The following DOCK9 variants were observed in gnomAD, a reference collection of about 807,000 sequenced individuals.
DOCK9 encodes the protein dedicator of cytokinesis 9, also known as dedicator of cytokinesis protein 9.
DOCK9 carries 89 observed loss-of-function variants against 263.3 expected under a neutral mutation model. That is an observed-to-expected ratio of 0.34 (90% confidence interval 0.28 to 0.40). The LOEUF is 0.40. Among genes scored for constraint, DOCK9 ranks in the 10% least tolerant of loss-of-function variants. The pLI is 1.00. For synonymous variants in DOCK9, 976 were observed against 973.1 expected, an observed-to-expected ratio of 1.00 and a Z score of -0.06; for missense variants, 2,140 against 2,603.4, an observed-to-expected ratio of 0.82 and a Z score of 3.87.
chr13:98,904,575 C>CGAT (rs1185765729), intron 10 of DOCK9, 57 bp downstream of exon 10: 2 of 1,261,888 alleles, frequency 1.6e-6, no homozygotes, highest in Non-Finnish European at 2.2e-6. Flanking sequence ...ATAAGCCCAT[C>CGAT]GATGATTTTC....
At chr13:98,884,948 C>A (rs2274641) in intron 21 of DOCK9, 23 bp downstream of exon 21, 1,226,260 of 1,602,048 alleles carry the variant, frequency 0.77, 473,277 homozygotes, top group South Asian at 0.88. Flanking sequence ...ATTGGGATGA[C>A]CCAATCTTAA....
At chr13:98,847,900 T>A (rs542419548) in intron 37 of DOCK9, among the ~76,000 whole-genome samples, 1 of 152,038 alleles carries the variant, frequency 6.6e-6, no homozygotes, top group South Asian at 2.1e-4. Flanking sequence ...AAGAACTTGG[T>A]AAGGACAAGA....
rs534070063 is a variant in DOCK9, at chr13:99,063,733, A to G, written c.129+22490T>C. The stretch of plus-strand genomic sequence containing the variant: ...AATGAAATAAAAAACAAACCCATAC[A>G]AAATATAAGCCCCAAATTTTTGCTA... On this transcript the variant is annotated intron_variant, in intron 1 of 32. Transcript: ENST00000427887. Among the ~76,000 whole-genome samples, 148 of 152,378 alleles carry G rather than the reference A, an allele frequency of 9.7e-4. 2 individuals carry two copies. Among genetic ancestry groups the G allele is most frequent in the African/African-American group, 3.4e-3 (141 of 41,590 alleles).
At chr13:98,823,541 A>G (rs2092390120) in intron 45 of DOCK9, among the ~76,000 whole-genome samples, 1 of 152,208 alleles carries the variant, frequency 6.6e-6, no homozygotes, top group Admixed American at 6.5e-5. Context: ...CTTTCACTCC[A>G]TGGGAGAAAT....
chr13:98,959,065 A>C (rs1200370321), intron 1 of DOCK9, among the ~76,000 whole-genome samples: 2 of 152,222 alleles, frequency 1.3e-5, no homozygotes, highest in Non-Finnish European at 2.9e-5. Context: ...CCACTCAACA[A>C]CTGAGGCTGG....
intron 9 of DOCK9, among the ~76,000 whole-genome samples, chr13:98,912,603 C>T (rs1021784804): frequency 2.0e-5 from 3 of 151,738 alleles, no homozygotes; most frequent in Admixed American, 6.6e-5. Flanking sequence ...TAAATGTATA[C>T]ATTTATATTA....
In DOCK9 at chr13:98,839,577, C is replaced by T. The variant is rs761850550; in HGVS notation, c.4199-1968G>A. Among the ~76,000 whole-genome samples, 8 of 152,350 alleles carry T rather than the reference C, an allele frequency of 5.3e-5. No individual in the cohort carries two copies. In the East Asian group the frequency reaches 1.5e-3, roughly 29 times the overall value. On this transcript the variant is annotated intron_variant, in intron 38 of 52. Coordinates refer to ENST00000682017, the MANE Select transcript of DOCK9 (RefSeq NM_001366683.2). ...AGTTTTTGTCTGGGTTCAATTTTAA[C>T]AAGGAACTGGCTTTATTTTAATTCC... is the stretch of plus-strand genomic sequence containing the variant.
chr13:98,941,522 T>C (rs2055843817), intron 2 of DOCK9, among the ~76,000 whole-genome samples: 1 of 152,226 alleles, frequency 6.6e-6, no homozygotes. Context: ...ATAACATAAA[T>C]GTTCAGAACC....
At chr13:99,087,489 GC>G (rs1179103040), upstream of DOCK9, among the ~76,000 whole-genome samples, 2 of 152,122 alleles carry the variant, frequency 1.3e-5, no homozygotes, top group Non-Finnish European at 2.9e-5. Flanking sequence ...CAGGGAAACT[GC>G]GATGCGCCGG....
intron 15 of DOCK9, among the ~76,000 whole-genome samples, chr13:98,894,326 G>A (rs1258334011): frequency 6.6e-6 from 1 of 152,122 alleles, no homozygotes; most frequent in Admixed American, 6.6e-5. Flanking sequence ...GTTATAAAGT[G>A]GAAGGTGAAA....
At chr13:99,073,676 T>C (rs1374506473) in intron 1 of DOCK9, among the ~76,000 whole-genome samples, 2 of 152,216 alleles carry the variant, frequency 1.3e-5, no homozygotes, top group East Asian at 3.8e-4. Flanking sequence ...ACAGTAGAGT[T>C]GGCCTAACCC....
chr13:98,922,042 C>A lies in DOCK9; in HGVS notation c.582+9G>T, dbSNP rs773960375. On this transcript the variant is annotated intron_variant, in intron 6 of 52. Coordinates refer to ENST00000682017, the MANE Select transcript of DOCK9 (RefSeq NM_001366683.2). ...TGAGAGGGGAGGGCAAAGTGATGTG[C>A]GTCCTCACCCTCATGGTCACGCTGA... 6.3e-7 allele frequency: 1 copy of A among 1,576,690 alleles called. No individual in the cohort carries two copies. Among genetic ancestry groups the A allele is most frequent in the East Asian group, 2.3e-5 (1 of 43,580 alleles).
Position 98,829,773 on chromosome 13 carries a change from C to T in DOCK9, c.4636-17G>A, listed in dbSNP as rs1055672902. 1.9e-6 allele frequency: 3 copies of T among 1,582,822 alleles called. No individual in the cohort carries two copies. The highest frequency in any genetic ancestry group is 2.7e-5 in the African/African-American group (2 of 74,456). On this transcript the variant is annotated splice_polypyrimidine_tract_variant and intron_variant, in intron 41 of 52. Coordinates refer to ENST00000682017, the MANE Select transcript of DOCK9 (RefSeq NM_001366683.2). This position sits in a 1 kb window ranked among gnomAD's most constrained non-coding sequence, Gnocchi z 4.1. ...TATGATGACCTTAGGGACACACAAACATGAGCAAATCAATTTACCTTCAAA... is the reference window on the plus strand; with the variant it reads ...TATGATGACCTTAGGGACACACAAATATGAGCAAATCAATTTACCTTCAAA...
At chr13:99,046,589 GA>G (rs1425966609) in intron 1 of DOCK9, among the ~76,000 whole-genome samples, 3 of 152,196 alleles carry the variant, frequency 2.0e-5, no homozygotes, top group Admixed American at 2.0e-4. Context: ...CACCTGACAG[GA>G]AAGTCCAGGA....
chr13:99,012,463 A>G (rs1175195849), intron 1 of DOCK9, among the ~76,000 whole-genome samples: 1 of 152,172 alleles, frequency 6.6e-6, no homozygotes, highest in African/African-American at 2.4e-5. Context: ...TAGCTGAAGT[A>G]GGGGTTTTGC....
chr13:99,029,598 T>C (rs1006876059), intron 1 of DOCK9, among the ~76,000 whole-genome samples: 3 of 152,144 alleles, frequency 2.0e-5, no homozygotes, highest in Non-Finnish European at 4.4e-5. Flanking sequence ...TCATTAGTCT[T>C]TAGGAAAATG....
In DOCK9 at chr13:98,831,636, T is replaced by G. The variant is rs879032123; in HGVS notation, c.4452+13A>C. 3.7e-6 allele frequency: 6 copies of G among 1,611,402 alleles called. No individual in the cohort carries two copies. The African/African-American group carries it at 8.0e-5, about 22-fold the overall frequency. On this transcript the variant is annotated intron_variant, in intron 40 of 52. Transcript: ENST00000682017. Reference sequence around the variant, plus strand: ...AAGGAAAACATCTAACCACTGCCCATGAAGCAACTTACCTTATAAATTAAG... The same window carrying G: ...AAGGAAAACATCTAACCACTGCCCAGGAAGCAACTTACCTTATAAATTAAG...
At chr13:98,963,944 T>G (rs553502778) in intron 1 of DOCK9, among the ~76,000 whole-genome samples, 34 of 152,202 alleles carry the variant, frequency 2.2e-4, no homozygotes, top group Non-Finnish European at 3.5e-4. Context: ...AGTTGTCAAG[T>G]TTGCAGGAAG....
At chr13:98,937,837 T>C (rs1364245188) in intron 2 of DOCK9, among the ~76,000 whole-genome samples, 1 of 152,226 alleles carries the variant, frequency 6.6e-6, no homozygotes, top group Non-Finnish European at 1.5e-5. Flanking sequence ...AGATCCTTTT[T>C]ACTTAAAAAA....
Sources: allele counts gnomAD v4.1 joint callset (sites outside exome capture counted in the v4.1 genomes callset), GRCh38; gene constraint gnomAD v4.1.1; non-coding constraint Gnocchi (gnomAD v3.1); transcripts MANE v1.5; gene names NCBI Gene and HGNC (gene_info 2026-07-23, HGNC 2026-07-21).